OPCML: variants seen among roughly 807,000 people sequenced by gnomAD.
OPCML encodes the protein opioid-binding protein/cell adhesion molecule.
OPCML carries 13 observed loss-of-function variants against 37.8 expected under a neutral mutation model. The observed-to-expected ratio is 0.34, with a 90% CI of 0.22 to 0.55. The LOEUF (loss-of-function observed/expected upper bound fraction) is 0.55. Ranked by LOEUF, OPCML falls within the 20% of genes least tolerant of loss-of-function variation. The probability of loss-of-function intolerance (pLI) is 0.91; values close to 1 mark genes in which losing one functional copy is unlikely to be tolerated. For missense variants in OPCML, 341 were observed against 435.6 expected (o/e 0.78, Z 1.93); for synonymous variants, 176 against 168.8 (o/e 1.04, Z -0.33).
intron 1 of OPCML, among the ~76,000 whole-genome samples, chr11:133,112,082 T>G (rs7117841): frequency 0.42 from 64,182 of 151,850 alleles, 16,105 homozygotes; most frequent in Non-Finnish European, 0.54. Context: ...CATGCAATAT[T>G]CAAATAATGC....
At chr11:133,162,944 C>T (rs1271242970) in intron 1 of OPCML, among the ~76,000 whole-genome samples, 2 of 152,182 alleles carry the variant, frequency 1.3e-5, no homozygotes, top group African/African-American at 2.4e-5. Context: ...GCGGTTTTGA[C>T]CTTGCCACCT....
At chr11:133,231,874 G>A (rs903991842) in intron 1 of OPCML, among the ~76,000 whole-genome samples, 2 of 152,122 alleles carry the variant, frequency 1.3e-5, no homozygotes, top group Non-Finnish European at 2.9e-5. Flanking sequence ...AGAGGGGAGG[G>A]AGAAGCAGGC....
intron 1 of OPCML, among the ~76,000 whole-genome samples, chr11:133,278,374 T>C (rs1364943401): frequency 6.6e-6 from 1 of 152,170 alleles, no homozygotes; most frequent in African/African-American, 2.4e-5. Flanking sequence ...AAGCTTAAGG[T>C]TCTTTATAAA....
chr11:132,456,653 C>T (rs2096083690), intron 4 of OPCML, among the ~76,000 whole-genome samples: 1 of 152,172 alleles, frequency 6.6e-6, no homozygotes, highest in East Asian at 1.9e-4. Context: ...CATGAAGAAT[C>T]AATGGCATTC....
intron 1 of OPCML, among the ~76,000 whole-genome samples, chr11:133,059,202 A>C: frequency 6.6e-6 from 1 of 152,196 alleles, no homozygotes; most frequent in East Asian, 1.9e-4. Context: ...CCACCTTGAC[A>C]TTTCTTATCT....
At chr11:132,894,494 T>C (rs1943763641) in intron 2 of OPCML, among the ~76,000 whole-genome samples, 1 of 152,230 alleles carries the variant, frequency 6.6e-6, no homozygotes, top group African/African-American at 2.4e-5. Flanking sequence ...AGAGCTCTTC[T>C]GAGCAGCAGA....
chr11:132,950,974 T>G (rs1011576942), intron 1 of OPCML, among the ~76,000 whole-genome samples: 1 of 152,194 alleles, frequency 6.6e-6, no homozygotes, highest in Non-Finnish European at 1.5e-5. Context: ...TCGGCCTGTT[T>G]TGACTTCCCT....
intron 1 of OPCML, among the ~76,000 whole-genome samples, chr11:133,140,841 C>A (rs5002553): frequency 0.4 from 2,316 of 5,856 alleles, 718 homozygotes; most frequent in East Asian, 0.54. Context: ...ACGAAGAAGA[C>A]GACGACGACG....
chr11:132,532,788 C>A (rs2096329560), intron 3 of OPCML, among the ~76,000 whole-genome samples: 1 of 152,268 alleles, frequency 6.6e-6, no homozygotes. Context: ...AGAAGCCCAT[C>A]TTCACCGTCC....
intron 1 of OPCML, among the ~76,000 whole-genome samples, chr11:133,089,952 T>C (rs879943489): frequency 6.6e-6 from 1 of 152,216 alleles, no homozygotes; most frequent in African/African-American, 2.4e-5. Context: ...ACAGGTTCTC[T>C]CCTAATGGAG....
At chr11:133,152,263 C>A (rs946070913) in intron 1 of OPCML, among the ~76,000 whole-genome samples, 1 of 152,158 alleles carries the variant, frequency 6.6e-6, no homozygotes, top group Non-Finnish European at 1.5e-5. Context: ...CCACTCAGCT[C>A]CCCGAAGAAA....
intron 2 of OPCML, among the ~76,000 whole-genome samples, chr11:132,856,409 G>T (rs906670444): frequency 6.6e-6 from 1 of 152,112 alleles, no homozygotes; most frequent in East Asian, 1.9e-4. Context: ...GCATGAGGAG[G>T]ACAGGAGAGG....
At chr11:132,976,323 G>A (rs1381485833) in intron 1 of OPCML, among the ~76,000 whole-genome samples, 1 of 152,138 alleles carries the variant, frequency 6.6e-6, no homozygotes, top group Admixed American at 6.6e-5. Flanking sequence ...CAGAACACAG[G>A]ACTTGATGCT....
At chr11:133,186,496 T>G (rs1592084547) in intron 1 of OPCML, among the ~76,000 whole-genome samples, 1 of 115,906 alleles carries the variant, frequency 8.6e-6, no homozygotes, top group African/African-American at 3.5e-5. Context: ...GATGAGAGAG[T>G]AGAAAAAAGG....
At chr11:132,948,489 G>C (rs995443712) in intron 1 of OPCML, among the ~76,000 whole-genome samples, 7 of 152,098 alleles carry the variant, frequency 4.6e-5, no homozygotes, top group Non-Finnish European at 2.9e-5. Flanking sequence ...ATATTGATTT[G>C]GTGTGTGAGC....
intron 1 of OPCML, among the ~76,000 whole-genome samples, chr11:133,383,583 T>C (rs923649858): frequency 2.6e-5 from 4 of 152,186 alleles, no homozygotes; most frequent in Non-Finnish European, 5.9e-5. Flanking sequence ...ATTCAGTAAA[T>C]ATTTGCTCAC....
chr11:132,600,564 T>C (rs1057436313), intron 3 of OPCML, among the ~76,000 whole-genome samples: 2 of 152,194 alleles, frequency 1.3e-5, no homozygotes, highest in Non-Finnish European at 2.9e-5. Flanking sequence ...GAAAAGTACA[T>C]TTTCAACTCC....
intron 4 of OPCML, among the ~76,000 whole-genome samples, chr11:132,502,831 T>G (rs1306647779): frequency 6.6e-6 from 1 of 151,998 alleles, no homozygotes; most frequent in East Asian, 1.9e-4. Flanking sequence ...CTGGAGAGAG[T>G]GGGGCGCCTT....
intron 2 of OPCML, among the ~76,000 whole-genome samples, chr11:132,939,519 T>C (rs374249938): frequency 6.6e-6 from 1 of 152,194 alleles, no homozygotes; most frequent in African/African-American, 2.4e-5. Context: ...AAATCCAGTA[T>C]GTTGGTGGGA....
Sources: gnomAD v4.1 joint callset for allele counts (sites outside exome capture counted in the v4.1 genomes callset) on GRCh38, gnomAD v4.1.1 for gene constraint, MANE v1.5 for transcripts, NCBI Gene and HGNC (gene_info 2026-07-23, HGNC 2026-07-21) for gene names.